The following PLCB1 variants were observed in gnomAD, a reference collection of about 807,000 sequenced individuals.
The protein encoded by PLCB1 is phospholipase C beta 1.
PLCB1 carries 46 observed loss-of-function variants against 161.8 expected under a neutral mutation model. That is an observed-to-expected ratio of 0.28 (90% confidence interval 0.22 to 0.36). PLCB1 has a LOEUF of 0.36. Among genes scored for constraint, PLCB1 ranks in the 10% least tolerant of loss-of-function variants. PLCB1 has a pLI of 1.00. For missense variants in PLCB1, 1,016 were observed against 1,472.5 expected, an observed-to-expected ratio of 0.69 and a Z score of 5.07; for synonymous variants, 517 against 503.7, an observed-to-expected ratio of 1.03 and a Z score of -0.35.
At chr20:8,613,805 A>G (rs958531553) in intron 3 of PLCB1, among the ~76,000 whole-genome samples, 1 of 152,144 alleles carries the variant, frequency 6.6e-6, no homozygotes, top group Non-Finnish European at 1.5e-5. Context: ...CAAGGTAAGG[A>G]AAGCTTTTTT....
At chr20:8,200,231 G>T (rs1407628940) in intron 2 of PLCB1, among the ~76,000 whole-genome samples, 1 of 151,714 alleles carries the variant, frequency 6.6e-6, no homozygotes, top group Non-Finnish European at 1.5e-5. Flanking sequence ...TTTTCTTCCT[G>T]GGTATTGTTT....
At chr20:8,240,990 A>T (rs888264996) in intron 2 of PLCB1, among the ~76,000 whole-genome samples, 7 of 151,988 alleles carry the variant, frequency 4.6e-5, no homozygotes, top group Non-Finnish European at 1.0e-4. Context: ...GTTTTGGGAA[A>T]CTATGGTGAA....
chr20:8,252,958 C>G (rs1981228384), intron 2 of PLCB1, among the ~76,000 whole-genome samples: 1 of 151,906 alleles, frequency 6.6e-6, no homozygotes. Context: ...CTTTTTATGC[C>G]TGTTTTCTCA....
Position 8,737,018 on chromosome 20 carries a change from G to C in PLCB1, c.2044-10G>C. On this transcript the variant is annotated splice_polypyrimidine_tract_variant and intron_variant, in intron 19 of 31. Coordinates refer to ENST00000338037, the MANE Select transcript of PLCB1 (RefSeq NM_015192.4). ...TTCCTTATGGATTGATTGATTTATT[G>C]ATTTTCTAGATTATTTCAGGTCAGT... is the stretch of plus-strand genomic sequence containing the variant. The C allele has an allele frequency of 6.3e-7, 1 of 1,599,604 alleles. No individual in the cohort carries two copies. The highest frequency in any genetic ancestry group is 8.6e-7 in the Non-Finnish European group (1 of 1,168,154).
chr20:8,244,702 C>T (rs576773537), intron 2 of PLCB1, among the ~76,000 whole-genome samples: 5 of 151,928 alleles, frequency 3.3e-5, no homozygotes, highest in African/African-American at 1.2e-4. Flanking sequence ...GATACTTCCC[C>T]ATGTATATGC....
At chr20:8,787,882 G>C (rs1462632647) in intron 27 of PLCB1, among the ~76,000 whole-genome samples, 1 of 152,188 alleles carries the variant, frequency 6.6e-6, no homozygotes, top group Non-Finnish European at 1.5e-5. Context: ...AATTACCCAC[G>C]CAAGAACATA....
At chr20:8,328,260 T>A (rs1057278338) in intron 2 of PLCB1, among the ~76,000 whole-genome samples, 10 of 152,144 alleles carry the variant, frequency 6.6e-5, no homozygotes, top group Non-Finnish European at 1.3e-4. Flanking sequence ...GTGTTTTTTT[T>A]AATATTTTGT....
At chr20:8,780,968 C>G (rs1335209999) in intron 27 of PLCB1, among the ~76,000 whole-genome samples, 1 of 152,200 alleles carries the variant, frequency 6.6e-6, no homozygotes, top group Non-Finnish European at 1.5e-5. Context: ...AATCTATATG[C>G]ACTTCAAATA....
chr20:8,645,129 T>G (rs1425331919), intron 4 of PLCB1, among the ~76,000 whole-genome samples: 3 of 150,812 alleles, frequency 2.0e-5, no homozygotes, highest in African/African-American at 7.3e-5. Context: ...GCATGCTCGT[T>G]AAGAGTCATC....
intron 3 of PLCB1, among the ~76,000 whole-genome samples, chr20:8,379,949 C>CAGA (rs1303846436): frequency 1.3e-5 from 2 of 152,168 alleles, no homozygotes; most frequent in Admixed American, 1.3e-4. Context: ...TTTTGCTGTA[C>CAGA]AGAAGCTCTT....
At chr20:8,514,445 CAAA>C (rs752609524) in intron 3 of PLCB1, among the ~76,000 whole-genome samples, 4 of 78,542 alleles carry the variant, frequency 5.1e-5, no homozygotes, top group African/African-American at 8.8e-5. Flanking sequence ...ACTCCATCTC[CAAA>C]AAAAAAAAAA....
intron 2 of PLCB1, among the ~76,000 whole-genome samples, chr20:8,238,916 A>G (rs1242513171): frequency 2.6e-5 from 4 of 151,836 alleles, no homozygotes; most frequent in Admixed American, 6.6e-5. Flanking sequence ...CCTGGGGAGG[A>G]ATGGAAGACT....
chr20:8,669,099 T>A lies in PLCB1; in HGVS notation c.862+10395T>A, dbSNP rs1409420430. 2.6e-5 allele frequency among the ~76,000 whole-genome samples: 4 copies of A among 152,198 alleles called. No homozygotes were observed. The East Asian group carries it at 7.7e-4, about 29-fold the overall frequency. ...TAATTACAAGGAGAAAATTCTAATATCACAAATAATTATAAAACAAGTTAT... is the reference window on the plus strand; with the variant it reads ...TAATTACAAGGAGAAAATTCTAATAACACAAATAATTATAAAACAAGTTAT... On this transcript the variant is annotated intron_variant, in intron 9 of 31. Transcript: ENST00000338037.
At chr20:8,734,135 C>CAAAAAAAAAAAAAAAAAAA in intron 19 of PLCB1, among the ~76,000 whole-genome samples, 1 of 57,926 alleles carries the variant, frequency 1.7e-5, no homozygotes, top group Admixed American at 3.2e-4. Flanking sequence ...GACTCTGTCT[C>CAAAAAAAAAAAAAAAAAAA]AAAAAAAAAA....
At chr20:8,699,207 G>T (rs56059033) in intron 11 of PLCB1, among the ~76,000 whole-genome samples, 15,569 of 152,196 alleles carry the variant, frequency 0.1, 1,918 homozygotes, top group African/African-American at 0.3. Flanking sequence ...GGGATACCTG[G>T]GTCTCAGGGA....
chr20:8,296,536 C>T (rs1408407594), intron 2 of PLCB1, among the ~76,000 whole-genome samples: 1 of 152,082 alleles, frequency 6.6e-6, no homozygotes, highest in South Asian at 2.1e-4. Flanking sequence ...TTCCCATTAA[C>T]TTTGTAGTTG....
At chr20:8,566,415 G>T (rs6055905) in intron 3 of PLCB1, among the ~76,000 whole-genome samples, 3 of 152,134 alleles carry the variant, frequency 2.0e-5, no homozygotes, top group South Asian at 4.1e-4. Context: ...CTTCAAAGTC[G>T]AACAGAGCTG....
Position 8,179,938 on chromosome 20 carries a change from A to G in PLCB1, c.177+29567A>G, listed in dbSNP as rs2051823069. ...CAGTGGCGGGATCTCGGCTCACTGCAAGCTCCGCCTCCCGGGTTCGCACCA... is the reference window on the plus strand; with the variant it reads ...CAGTGGCGGGATCTCGGCTCACTGCGAGCTCCGCCTCCCGGGTTCGCACCA... On this transcript the variant is annotated intron_variant, in intron 2 of 31. Coordinates refer to ENST00000338037, the MANE Select transcript of PLCB1 (RefSeq NM_015192.4). Among the ~76,000 whole-genome samples, 8 of 131,196 alleles carry G rather than the reference A, an allele frequency of 6.1e-5. No individual in the cohort carries two copies. The South Asian group carries it at 2.0e-3, about 32-fold the overall frequency. The allele number at this position is 131,196 out of a possible 152,430, so 86.1% of individuals were successfully genotyped here.
chr20:8,682,855 A>T (rs959379420), intron 9 of PLCB1, among the ~76,000 whole-genome samples: 2 of 152,292 alleles, frequency 1.3e-5, no homozygotes, highest in Middle Eastern at 6.8e-3. Flanking sequence ...AAGTATGCGA[A>T]GTCTTTGAAT....
Sources: gnomAD v4.1 joint callset for allele counts (sites outside exome capture counted in the v4.1 genomes callset) on GRCh38, gnomAD v4.1.1 for gene constraint, MANE v1.5 for transcripts, NCBI Gene and HGNC (gene_info 2026-07-23, HGNC 2026-07-21) for gene names.